LSAMP: variants seen among roughly 807,000 people sequenced by gnomAD.
The protein encoded by LSAMP is limbic system associated membrane protein.
Under a neutral mutation model 38.6 loss-of-function variants are expected in LSAMP, and 7 were observed. The ratio of observed to expected loss-of-function variants is 0.18; its 90% CI spans 0.10 to 0.34. The LOEUF is 0.34. Among genes scored for constraint, LSAMP ranks in the 10% least tolerant of loss-of-function variants. The probability of loss-of-function intolerance (pLI) is 1.00; values close to 1 mark genes in which losing one functional copy is unlikely to be tolerated. For missense variants in LSAMP, 313 were observed against 420.0 expected (o/e 0.75, Z 2.23); for synonymous variants, 154 against 166.8 (o/e 0.92, Z 0.59).
intron 1 of LSAMP, among the ~76,000 whole-genome samples, chr3:116,137,027 CCTT>C (rs1466909364): frequency 3.9e-5 from 6 of 152,004 alleles, no homozygotes; most frequent in Admixed American, 3.9e-4. Context: ...AGGGAAGAAT[CCTT>C]CTTTGTCTTT....
At chr3:115,905,441 A>G (rs1037602738) in intron 3 of LSAMP, among the ~76,000 whole-genome samples, 1 of 152,100 alleles carries the variant, frequency 6.6e-6, no homozygotes. Context: ...TCATTTCACA[A>G]TAGAGAACTA....
In LSAMP at chr3:115,970,745, T is replaced by C. The variant is rs530471775; in HGVS notation, c.514+48770A>G. Among the ~76,000 whole-genome samples, 14 of 152,282 alleles carry C rather than the reference T, an allele frequency of 9.2e-5. No homozygotes were observed. In the South Asian group the frequency reaches 2.7e-3, roughly 29 times the overall value. ...GATTGTTAGGGTGGAAATGTGACAC[T>C]TCGTACTTGCAAAAAATCTTTAAAA... On this transcript the variant is annotated intron_variant, in intron 3 of 6. Transcript: ENST00000490035.
At chr3:116,374,388 T>C (rs1002998857) in intron 1 of LSAMP, among the ~76,000 whole-genome samples, 6 of 151,916 alleles carry the variant, frequency 3.9e-5, no homozygotes, top group African/African-American at 1.4e-4. Context: ...TCCCATTCCA[T>C]AAGAACGATG....
At chr3:116,096,475 T>G (rs1031702185) in intron 1 of LSAMP, among the ~76,000 whole-genome samples, 2 of 152,216 alleles carry the variant, frequency 1.3e-5, no homozygotes, top group African/African-American at 4.8e-5. Flanking sequence ...TGGTTAGCAA[T>G]TGGCCTCTTC....
At chr3:116,368,182 C>G (rs185744601) in intron 1 of LSAMP, 1 of 152,198 alleles carries the variant, frequency 6.6e-6, no homozygotes, top group Non-Finnish European at 1.5e-5. Context: ...GGGATGCCCA[C>G]AGAGTTCCAC....
chr3:116,176,998 G>T (rs1411020248), intron 1 of LSAMP, among the ~76,000 whole-genome samples: 1 of 151,928 alleles, frequency 6.6e-6, no homozygotes, highest in African/African-American at 2.4e-5. Flanking sequence ...TTTTTCCAAA[G>T]TAAATCTTAC....
At chr3:116,263,191 G>C (rs1331079616) in intron 1 of LSAMP, among the ~76,000 whole-genome samples, 1 of 152,080 alleles carries the variant, frequency 6.6e-6, no homozygotes, top group Non-Finnish European at 1.5e-5. Context: ...ATAGGAAGGT[G>C]ATCATAATGA....
intron 6 of LSAMP, among the ~76,000 whole-genome samples, chr3:115,815,220 G>A (rs1933978678): frequency 6.6e-6 from 1 of 152,062 alleles, no homozygotes; most frequent in Non-Finnish European, 1.5e-5. Flanking sequence ...TATTATTATT[G>A]TAGTTAATCT....
intron 3 of LSAMP, among the ~76,000 whole-genome samples, chr3:115,911,959 C>CATCT (rs1237154328): frequency 6.6e-6 from 1 of 152,132 alleles, no homozygotes; most frequent in East Asian, 1.9e-4. Flanking sequence ...TTTTACTTAA[C>CATCT]ATCTATATAA....
Position 115,893,155 on chromosome 3 carries a change from G to A in LSAMP, c.515-40538C>T, listed in dbSNP as rs554208995. On this transcript the variant is annotated intron_variant, in intron 3 of 6. Transcript: ENST00000490035. ...CACACTGGGGCCTGTCGGGGAGTGGGAGACTAGGTGAGGGATAACATTAGG... is the reference window on the plus strand; with the variant it reads ...CACACTGGGGCCTGTCGGGGAGTGGAAGACTAGGTGAGGGATAACATTAGG... Among the ~76,000 whole-genome samples, 6 of 152,078 alleles carry A rather than the reference G, an allele frequency of 3.9e-5. No individual in the cohort carries two copies. The East Asian group carries it at 1.2e-3, about 30-fold the overall frequency.
At chr3:115,876,572 C>G (rs1410682963) in intron 3 of LSAMP, among the ~76,000 whole-genome samples, 12 of 152,020 alleles carry the variant, frequency 7.9e-5, no homozygotes. Flanking sequence ...GCCACAGGTT[C>G]ATTCTCTGGG....
At chr3:116,113,201 T>C (rs543592337) in intron 1 of LSAMP, among the ~76,000 whole-genome samples, 3 of 151,502 alleles carry the variant, frequency 2.0e-5, no homozygotes, top group Non-Finnish European at 2.9e-5. Context: ...AATTCTCTAA[T>C]AGACATTCAG....
intron 1 of LSAMP, among the ~76,000 whole-genome samples, chr3:116,197,163 A>ACACACACACACACTCTCTCTCT (rs1268040540): frequency 1.4e-5 from 2 of 139,088 alleles, no homozygotes; most frequent in African/African-American, 5.2e-5. Context: ...ACACACACAC[A>ACACACACACACACTCTCTCTCT]CTCTCTCTCT....
At chr3:116,353,528 T>A (rs2048178600) in intron 1 of LSAMP, among the ~76,000 whole-genome samples, 1 of 152,044 alleles carries the variant, frequency 6.6e-6, no homozygotes, top group Non-Finnish European at 1.5e-5. Flanking sequence ...TTCCTCTACA[T>A]CCTCCTACCC....
At chr3:116,412,426 T>C (rs2048992505) in intron 1 of LSAMP, among the ~76,000 whole-genome samples, 1 of 152,100 alleles carries the variant, frequency 6.6e-6, no homozygotes, top group Non-Finnish European at 1.5e-5. Context: ...CATGATTCTT[T>C]CTACATCTCT....
At chr3:115,865,099 C>G (rs1245649377) in intron 3 of LSAMP, among the ~76,000 whole-genome samples, 2 of 152,168 alleles carry the variant, frequency 1.3e-5, no homozygotes, top group Non-Finnish European at 2.9e-5. Flanking sequence ...AATGTACAAC[C>G]TATCAAATGC....
At chr3:115,958,662 C>G (rs896017384) in intron 3 of LSAMP, among the ~76,000 whole-genome samples, 4 of 152,152 alleles carry the variant, frequency 2.6e-5, no homozygotes, top group African/African-American at 9.7e-5. Context: ...CTGCCTCTGA[C>G]TCAGTGTATT....
At chr3:116,105,609 C>T (rs1268486115) in intron 1 of LSAMP, among the ~76,000 whole-genome samples, 2 of 152,110 alleles carry the variant, frequency 1.3e-5, no homozygotes, top group African/African-American at 4.8e-5. Flanking sequence ...AGGAAATTCA[C>T]AGGGTTAATC....
intron 4 of LSAMP, among the ~76,000 whole-genome samples, chr3:115,843,318 A>C (rs2107506855): frequency 6.6e-6 from 1 of 152,362 alleles, no homozygotes; most frequent in East Asian, 1.9e-4. Context: ...CACAGGCTTG[A>C]AATCAGCTGG....
Sources: gnomAD v4.1 joint callset for allele counts (sites outside exome capture counted in the v4.1 genomes callset) on GRCh38, gnomAD v4.1.1 for gene constraint, MANE v1.5 for transcripts, NCBI Gene and HGNC (gene_info 2026-07-23, HGNC 2026-07-21) for gene names.